Variants in BTBD16 observed in about 807,000 individuals in gnomAD.
BTBD16 encodes the protein BTB domain containing 16.
In BTBD16, 66 loss-of-function variants were observed where a neutral mutation model predicts 67.4. That is an observed-to-expected ratio of 0.98 (90% CI 0.80 to 1.20). BTBD16 has a LOEUF of 1.20. BTBD16 is among the 50% of genes most tolerant of loss of function. The pLI is 0.00. For synonymous variants in BTBD16, 242 were observed against 236.4 expected, an observed-to-expected ratio of 1.02 and a Z score of -0.22; for missense variants, 634 against 616.0, an observed-to-expected ratio of 1.03 and a Z score of -0.31.
At chr10:122,283,541 T>A (rs1215703069) in intron 3 of BTBD16, among the ~76,000 whole-genome samples, 1 of 152,322 alleles carries the variant, frequency 6.6e-6, no homozygotes, top group South Asian at 2.1e-4. Context: ...GAGTGTCTAC[T>A]ATATGCTAGA....
intron 10 of BTBD16, among the ~76,000 whole-genome samples, chr10:122,308,952 G>T (rs1022781): frequency 3.3e-5 from 5 of 152,088 alleles, no homozygotes; most frequent in African/African-American, 1.2e-4. Flanking sequence ...CTGTCCATCC[G>T]TGATGGGGGC....
At position 122,298,327 on chromosome 10, in the gene BTBD16, G is replaced by C. The variant is rs76019364; in HGVS notation, c.660+490G>C. On this transcript the variant is annotated intron_variant, in intron 8 of 15. Transcript: ENST00000260723. ...TCTGTATGGCCACCAGTGACCTGGG[G>C]GGGGATACCAAGCAGCATGCCACAG... 1.2e-3 allele frequency among the ~76,000 whole-genome samples: 181 copies of C among 152,314 alleles called. 5 individuals carry two copies. In the East Asian group the frequency reaches 0.031, roughly 26 times the overall value.
At chr10:122,311,193 G>A (rs752347917) in intron 10 of BTBD16, among the ~76,000 whole-genome samples, 19 of 152,036 alleles carry the variant, frequency 1.2e-4, no homozygotes, top group Admixed American at 3.3e-4. Context: ...CTGACATAAT[G>A]TTGAAGGGGC....
intron 1 of BTBD16, among the ~76,000 whole-genome samples, chr10:122,274,726 A>C (rs773565448): frequency 3.9e-5 from 6 of 152,176 alleles, no homozygotes; most frequent in South Asian, 2.1e-4. Context: ...CAATTATGTG[A>C]TCAGCCTACT....
chr10:122,338,062 G>T lies in BTBD16; in HGVS notation c.1498G>T (p.Ala500Ser), dbSNP rs758257521. 6.8e-6 allele frequency: 11 copies of T among 1,609,798 alleles called. No homozygotes were observed. The African/African-American group carries it at 1.5e-4, about 22-fold the overall frequency. ...TVGIPIYVSFAFIFPAS is the reference protein window; with the variant it reads ...TVGIPIYVSFSFIFPAS The stretch of plus-strand genomic sequence containing the variant: ...GGGCATCCCAATCTATGTAAGTTTT[G>T]CATTCATCTTCCCAGCATCTTGACA... Residue 500 changes from alanine (A) to serine (S), a missense_variant, in exon 16 of 16, where the codon GCA (alanine) becomes TCA (serine). Ala to Ser is a moderately conservative substitution (Grantham distance 99). Coordinates refer to ENST00000260723, the MANE Select transcript of BTBD16 (RefSeq NM_144587.5).
At chr10:122,272,639 C>T (rs1408228441) in intron 1 of BTBD16, among the ~76,000 whole-genome samples, 1 of 151,644 alleles carries the variant, frequency 6.6e-6, no homozygotes, top group African/African-American at 2.4e-5. Context: ...CTGGGCCTGG[C>T]CCCAGATATG....
intron 12 of BTBD16, 84 bp from the exon 13 acceptor site, chr10:122,332,352 G>A (rs2133322588): frequency 7.5e-7 from 1 of 1,325,346 alleles, no homozygotes; most frequent in South Asian, 1.3e-5. Context: ...GGGGGCAGGG[G>A]TCAAGGAAGA....
intron 12 of BTBD16, among the ~76,000 whole-genome samples, chr10:122,331,647 A>G (rs549892405): frequency 6.6e-6 from 1 of 152,204 alleles, no homozygotes; most frequent in South Asian, 2.1e-4. Flanking sequence ...TTTAACATGT[A>G]TTTCTTTTAT....
rs1011176667 is a variant in BTBD16 at position 122,291,100 on chromosome 10, AAC to A, written c.497_498del (p.Asn166ThrfsTer5). 14 of 1,612,200 alleles carry A rather than the reference AAC, an allele frequency of 8.7e-6. No individual in the cohort carries two copies. In the African/African-American group the frequency reaches 1.7e-4, roughly 20 times the overall value. On this transcript the variant is annotated frameshift_variant, in exon 7 of 16. Transcript: ENST00000260723. LOFTEE classifies it high-confidence loss of function. ...CCCAGCCTTCGCCACGGCCCTGAAG[AAC>A]CTCTACATGAGTGAGGTGGAGATTA... ...TKVAFATALK[N>X]LYMSEVEINL...
chr10:122,279,846 G>A (rs571745833), intron 3 of BTBD16, among the ~76,000 whole-genome samples: 1 of 152,302 alleles, frequency 6.6e-6, no homozygotes, highest in South Asian at 2.1e-4. Flanking sequence ...TGTCTGCTTG[G>A]ACAGGAGCTG....
At chr10:122,288,002 C>A (rs2096367000) in intron 5 of BTBD16, among the ~76,000 whole-genome samples, 1 of 152,220 alleles carries the variant, frequency 6.6e-6, no homozygotes, top group Non-Finnish European at 1.5e-5. Context: ...TTCACTTACT[C>A]TGACATAACT....
At chr10:122,326,210 G>A (rs1363807919) in intron 10 of BTBD16, among the ~76,000 whole-genome samples, 1 of 152,178 alleles carries the variant, frequency 6.6e-6, no homozygotes, top group Non-Finnish European at 1.5e-5. Flanking sequence ...TGCATAGCAT[G>A]AATTTTTCCC....
At chr10:122,308,435 G>T (rs570669684) in intron 10 of BTBD16, among the ~76,000 whole-genome samples, 3 of 152,188 alleles carry the variant, frequency 2.0e-5, no homozygotes, top group Admixed American at 2.0e-4. Context: ...ATTTCCCCAA[G>T]CCCCCTGATC....
chr10:122,327,668 G>C lies in BTBD16; in HGVS notation c.912-1812G>C, dbSNP rs73363959. On this transcript the variant is annotated intron_variant, in intron 10 of 15. Transcript: ENST00000260723. ...TTGCCACTTCCCAGAGGCCCCAAGG[G>C]GTCATAAAGTCCAACAAGCTGTCTC... The C allele has an allele frequency of 3.1e-3, 3,093 of 983,708 alleles. 66 individuals are homozygous for C. In the African/African-American group the frequency reaches 0.047, roughly 15 times the overall value. The allele number at this position is 983,708 out of a possible 1,614,324, so 60.9% of individuals were successfully genotyped here.
At chr10:122,309,816 G>A (rs1471003905) in intron 10 of BTBD16, among the ~76,000 whole-genome samples, 1 of 141,180 alleles carries the variant, frequency 7.1e-6, no homozygotes, top group Non-Finnish European at 1.5e-5. Flanking sequence ...TTGTTGCCCA[G>A]GCTGGAGTGC....
chr10:122,317,332 CT>C (rs2096427123), intron 10 of BTBD16, among the ~76,000 whole-genome samples: 2 of 151,964 alleles, frequency 1.3e-5, no homozygotes, highest in South Asian at 4.1e-4. Flanking sequence ...TAATTTTTTA[CT>C]TTTTAAACCT....
At chr10:122,314,656 C>A (rs906140138) in intron 10 of BTBD16, among the ~76,000 whole-genome samples, 5 of 151,870 alleles carry the variant, frequency 3.3e-5, no homozygotes, top group Admixed American at 2.0e-4. Flanking sequence ...TTTTTATATT[C>A]TAATTGTTTG....
In BTBD16 at chr10:122,273,816, A is replaced by C. The variant is rs115519573; in HGVS notation, c.-42-1224A>C. 4.6e-3 allele frequency among the ~76,000 whole-genome samples: 702 copies of C among 152,352 alleles called. 6 individuals are homozygous for C. The highest frequency in any genetic ancestry group is 0.016 in the African/African-American group (667 of 41,580). On this transcript the variant is annotated intron_variant, in intron 1 of 15. Coordinates refer to ENST00000260723, the MANE Select transcript of BTBD16 (RefSeq NM_144587.5). ...TTTCCTGTCATTGTATTGGTTCACT[A>C]GTTACAACAAGCATATATTATTAAT...
intron 1 of BTBD16, among the ~76,000 whole-genome samples, chr10:122,272,903 A>C (rs949109820): frequency 2.3e-4 from 35 of 152,320 alleles, no homozygotes; most frequent in African/African-American, 7.9e-4. Flanking sequence ...CAGTTTTCAG[A>C]AAAGAAAAAT....
Sources: gnomAD v4.1 joint callset for allele counts (sites outside exome capture counted in the v4.1 genomes callset) on GRCh38, gnomAD v4.1.1 for gene constraint, MANE v1.5 for transcripts, NCBI Gene and HGNC (gene_info 2026-07-23, HGNC 2026-07-21) for gene names.